Variants in CKAP5 observed in about 807,000 individuals in gnomAD.
CKAP5 encodes cytoskeleton associated protein 5.
A neutral mutation model predicts 232.8 loss-of-function variants in CKAP5; 27 were observed. That is an observed-to-expected ratio of 0.12 (90% CI 0.09 to 0.16). The LOEUF is 0.16. Ranked by LOEUF, CKAP5 falls within the 10% of genes least tolerant of loss-of-function variation. The pLI, the probability that CKAP5 is intolerant of heterozygous loss-of-function variation, is 1.00. For missense variants in CKAP5, 1,838 were observed against 2,424.7 expected (o/e 0.76, Z 5.08); for synonymous variants, 785 against 841.1 (o/e 0.93, Z 1.16).
In CKAP5 at chr11:46,790,556, G is replaced by C. The variant is rs139658502; in HGVS notation, c.1678C>G (p.Pro560Ala). ...KAGGPPKKGKPAAPGGAGNTG... is the reference protein window; with the variant it reads ...KAGGPPKKGKAAAPGGAGNTG... ...TTCCCTGCGCCTCCTGGTGCAGCTG[G>C]TTTCCCCTTTTTTGGTGGCCCACCA... Residue 560 changes from proline (P) to alanine (A), a missense_variant, in exon 14 of 44, where the codon CCA becomes GCA. Pro to Ala is a conservative substitution (Grantham distance 27). This residue lies in a region of CKAP5 where 767 missense variants were observed against 954.6 expected (regional missense o/e 0.80). Transcript: ENST00000529230. The C allele has an allele frequency of 3.8e-4, 612 of 1,613,748 alleles. 8 individuals are homozygous for C. The South Asian group carries it at 6.2e-3, about 16-fold the overall frequency.
At chr11:46,752,189 TATATACACACACACAC>T (rs1215182328) in intron 38 of CKAP5, among the ~76,000 whole-genome samples, 7 of 64,376 alleles carry the variant, frequency 1.1e-4, no homozygotes, top group African/African-American at 3.2e-4. Flanking sequence ...TATATATATA[TATATACACACACACAC>T]ACACACACAC....
Position 46,750,337 on chromosome 11 carries a change from C to T in CKAP5, c.5641G>A (p.Glu1881Lys), listed in dbSNP as rs531082476. The change falls in exon 42 of 44, where the codon GAA becomes AAA. Residue 1881 changes from glutamate (E) to lysine (K), a missense_variant. Physicochemically the swap from Glu to Lys is moderately conservative, Grantham distance 56. This residue lies in a region of CKAP5 where 579 missense variants were observed against 843.2 expected (regional missense o/e 0.69). Transcript: ENST00000529230. ...ATCTCAATCACCCGAAGGCCTCTTT[C>T]GACATAGCTCTGGAAGAACTGTGAG... is the stretch of plus-strand genomic sequence containing the variant. ...NSSQFFQSYV[E>K]RGLRVIEMER... 7.4e-6 allele frequency: 12 copies of T among 1,614,144 alleles called. No individual in the cohort carries two copies. Among genetic ancestry groups the T allele is most frequent in the African/African-American group, 1.3e-5 (1 of 75,034 alleles).
chr11:46,767,488 A>C, intron 27 of CKAP5, 87 bp downstream of exon 27: 1 of 798,456 alleles, frequency 1.3e-6, no homozygotes, highest in Non-Finnish European at 2.0e-6. Flanking sequence ...TCTTTTATAT[A>C]TAATATGATC....
At chr11:46,764,953 C>G (rs927916966) in intron 28 of CKAP5, among the ~76,000 whole-genome samples, 178 bp downstream of exon 28, 4 of 129,484 alleles carry the variant, frequency 3.1e-5, no homozygotes, top group African/African-American at 8.6e-5. Flanking sequence ...GGCAATAACT[C>G]TATTCTATAG....
At chr11:46,820,009 T>TA (rs1939491376) in intron 2 of CKAP5, among the ~76,000 whole-genome samples, 1 of 151,820 alleles carries the variant, frequency 6.6e-6, no homozygotes, top group South Asian at 2.1e-4. Flanking sequence ...ATGGGAAAAA[T>TA]AAAGTACCAA....
At chr11:46,784,315 A>C (rs551600176) in intron 17 of CKAP5, among the ~76,000 whole-genome samples, 173 bp downstream of exon 17, 7 of 152,248 alleles carry the variant, frequency 4.6e-5, no homozygotes, top group Non-Finnish European at 7.4e-5. Flanking sequence ...GTGAGCCGAG[A>C]TTGCACCATT....
At chr11:46,788,511 T>C (rs890460826) in intron 16 of CKAP5, among the ~76,000 whole-genome samples, 170 bp downstream of exon 16, 1 of 151,736 alleles carries the variant, frequency 6.6e-6, no homozygotes, top group African/African-American at 2.4e-5. Flanking sequence ...GAGGTGGAGG[T>C]TGTGGTGAGC....
At chr11:46,844,673 G>T (rs1046412296) in intron 1 of CKAP5, among the ~76,000 whole-genome samples, 3 of 152,018 alleles carry the variant, frequency 2.0e-5, no homozygotes, top group Non-Finnish European at 2.9e-5. Context: ...ACAGAGGGTC[G>T]CTCTGTCACC....
At chr11:46,745,235 A>T (rs1312352811) in intron 42 of CKAP5, among the ~76,000 whole-genome samples, 1 of 152,190 alleles carries the variant, frequency 6.6e-6, no homozygotes, top group Non-Finnish European at 1.5e-5. Context: ...TATCAATGCA[A>T]ATGCATTCCA....
At chr11:46,763,777 G>A in intron 28 of CKAP5, 147 bp from the exon 29 acceptor site, 1 of 518,378 alleles carries the variant, frequency 1.9e-6, no homozygotes, top group Non-Finnish European at 3.1e-6. Flanking sequence ...CAAATTTCAA[G>A]GTGTCATACT....
Position 46,744,176 on chromosome 11 carries a change from G to C in CKAP5, c.5946C>G (p.Leu1982=), listed in dbSNP as rs575672042. 55 of 1,614,088 alleles carry C rather than the reference G, an allele frequency of 3.4e-5. No individual in the cohort carries two copies. The Admixed American group carries it at 8.2e-4, about 24-fold the overall frequency. Residue 1982 remains leucine (L), a synonymous_variant, in exon 44 of 44, where the codon CTC becomes CTG. Transcript: ENST00000529230. ...ASSTDMLHSK[L]SQLRESREQH... is the part of the protein sequence containing the mutation. Reference sequence around the variant, plus strand: ...GCTCCCGTGACTCCCGGAGCTGAGAGAGTTTGCTGTGGAGCATGTCTGTGG... The same window carrying C: ...GCTCCCGTGACTCCCGGAGCTGAGACAGTTTGCTGTGGAGCATGTCTGTGG...
Position 46,762,105 on chromosome 11 carries a change from A to G in CKAP5, c.4116T>C (p.Ala1372=), listed in dbSNP as rs2065160096. The change falls in exon 32 of 44, where the codon GCT becomes GCC. Residue 1372 remains alanine (A), a synonymous_variant. Transcript: ENST00000529230. ...CATTGTCACGGTCTCCTATGTGAAC[A>G]GCTATTTCCTTTAAGGCTTTTCCTG... The part of the protein sequence containing the change: ...PTPGKALKEI[A]VHIGDRDNAV... 1 of 1,614,206 alleles carries G rather than the reference A, an allele frequency of 6.2e-7. No individual in the cohort carries two copies. The highest frequency in any genetic ancestry group is 2.2e-5 in the East Asian group (1 of 44,890).
intron 24 of CKAP5, among the ~76,000 whole-genome samples, chr11:46,775,455 C>G (rs1352946457): frequency 6.6e-6 from 1 of 152,188 alleles, no homozygotes; most frequent in African/African-American, 2.4e-5. Flanking sequence ...CCATTTGACC[C>G]AGCAATCCCA....
chr11:46,796,223 G>T (rs1163617194), intron 12 of CKAP5, among the ~76,000 whole-genome samples: 3 of 139,144 alleles, frequency 2.2e-5, no homozygotes, highest in Admixed American at 7.0e-5. Flanking sequence ...CAACAAAAAA[G>T]ATAAATTATC....
At chr11:46,812,593 CA>C (rs1387609619) in intron 4 of CKAP5, among the ~76,000 whole-genome samples, 1 of 152,052 alleles carries the variant, frequency 6.6e-6, no homozygotes, top group African/African-American at 2.4e-5. Context: ...CAAAATTACT[CA>C]GTAATAGCTA....
Position 46,759,393 on chromosome 11 carries a change from G to C in CKAP5, c.4444C>G (p.Arg1482Gly). The part of the protein sequence containing the change: ...GHPEAAQMVR[R>G]EFQLDLDEIE... ...TCATCTAGATCCAGCTGGAATTCTC[G>C]GCGGACCATCTGGGCTGCCTCAGGA... Residue 1482 changes from arginine to glycine, a missense_variant, in exon 34 of 44, where the codon CGA (arginine) becomes GGA (glycine). Arg to Gly is a moderately radical substitution (Grantham distance 125). Coordinates refer to ENST00000529230, the MANE Select transcript of CKAP5 (RefSeq NM_001008938.4). 6.2e-7 allele frequency: 1 copy of C among 1,613,978 alleles called. No individual in the cohort carries two copies. Among genetic ancestry groups the C allele is most frequent in the Non-Finnish European group, 8.5e-7 (1 of 1,179,984 alleles).
intron 35 of CKAP5, among the ~76,000 whole-genome samples, chr11:46,755,910 C>T (rs1334719118): frequency 2.3e-4 from 35 of 152,098 alleles, no homozygotes; most frequent in Admixed American, 2.3e-3. Flanking sequence ...GCCTGGGTGA[C>T]AAAGCGAGAC....
At chr11:46,813,042 C>A (rs772845085) in intron 4 of CKAP5, among the ~76,000 whole-genome samples, 2 of 152,152 alleles carry the variant, frequency 1.3e-5, no homozygotes, top group Non-Finnish European at 2.9e-5. Flanking sequence ...AGCCTCACCC[C>A]CTGGGCTCAA....
chr11:46,825,005 AAAGT>A (rs1234337687), intron 1 of CKAP5, among the ~76,000 whole-genome samples: 2 of 152,210 alleles, frequency 1.3e-5, no homozygotes, highest in Non-Finnish European at 2.9e-5. Context: ...TAGGTCAGCT[AAAGT>A]AAGTATGTTT....
Sources: gnomAD v4.1 joint callset for allele counts (sites outside exome capture counted in the v4.1 genomes callset) on GRCh38, gnomAD v4.1.1 for gene constraint, gnomAD v4.1.1 regional missense constraint, MANE v1.5 for transcripts, NCBI Gene and HGNC (gene_info 2026-07-23, HGNC 2026-07-21) for gene names.